PTPRD: variants seen among roughly 807,000 people sequenced by gnomAD.
PTPRD encodes the protein receptor-type tyrosine-protein phosphatase delta.
PTPRD carries 34 observed loss-of-function variants against 214.5 expected under a neutral mutation model. The ratio of observed to expected loss-of-function variants is 0.16; its 90% CI spans 0.12 to 0.21. The LOEUF is 0.21. PTPRD is among the 10% of genes least tolerant of loss of function. The pLI is 1.00. For synonymous variants in PTPRD, 1,128 were observed against 845.7 expected (o/e 1.33, Z -5.79); for missense variants, 2,545 against 2,398.7 (o/e 1.06, Z -1.27).
chr9:8,805,920 G>A (rs1433555423), intron 11 of PTPRD, among the ~76,000 whole-genome samples: 2 of 147,780 alleles, frequency 1.4e-5, no homozygotes, highest in Non-Finnish European at 3.0e-5. Context: ...GCGTGAACCC[G>A]GGAGGTGGAG....
At chr9:8,425,617 A>G (rs1032249233) in intron 35 of PTPRD, among the ~76,000 whole-genome samples, 30 of 152,004 alleles carry the variant, frequency 2.0e-4, no homozygotes, top group Non-Finnish European at 3.7e-4. Context: ...TCTCGTCAAT[A>G]TTGTCCCACT....
intron 9 of PTPRD, among the ~76,000 whole-genome samples, chr9:9,384,274 T>C (rs2063174096): frequency 6.7e-6 from 1 of 148,338 alleles, no homozygotes; most frequent in African/African-American, 2.5e-5. Flanking sequence ...TATTGTAAAA[T>C]TTTGTGTGCA....
At chr9:8,740,144 A>C (rs7046939) in intron 11 of PTPRD, among the ~76,000 whole-genome samples, 1 of 152,124 alleles carries the variant, frequency 6.6e-6, no homozygotes, top group Non-Finnish European at 1.5e-5. Context: ...TCTATGACCA[A>C]ACTACCCTGA....
chr9:9,982,692 T>C (rs1167614242), intron 4 of PTPRD, among the ~76,000 whole-genome samples: 1 of 152,228 alleles, frequency 6.6e-6, no homozygotes, highest in Non-Finnish European at 1.5e-5. Context: ...CTATGATTAG[T>C]TTTTGTTTTG....
intron 31 of PTPRD, among the ~76,000 whole-genome samples, chr9:8,465,919 A>G (rs2096535832): frequency 6.6e-6 from 1 of 151,936 alleles, no homozygotes; most frequent in African/African-American, 2.4e-5. Flanking sequence ...ACACAGGGCA[A>G]TGAGGTCCTT....
intron 12 of PTPRD, among the ~76,000 whole-genome samples, chr9:8,646,421 C>T (rs909913267): frequency 6.6e-6 from 1 of 152,142 alleles, no homozygotes; most frequent in Non-Finnish European, 1.5e-5. Flanking sequence ...TACTGTTTGG[C>T]CTTTAAGATA....
intron 12 of PTPRD, among the ~76,000 whole-genome samples, chr9:8,675,702 C>T (rs1359262383): frequency 6.6e-6 from 1 of 152,084 alleles, no homozygotes; most frequent in Non-Finnish European, 1.5e-5. Context: ...CATCTCACGT[C>T]GCCTTCAACA....
At chr9:10,601,139 T>A (rs2077858090) in intron 2 of PTPRD, among the ~76,000 whole-genome samples, 1 of 151,726 alleles carries the variant, frequency 6.6e-6, no homozygotes, top group Non-Finnish European at 1.5e-5. Context: ...AAAATAATAA[T>A]ATTTTAATCA....
chr9:8,605,486 G>C, intron 14 of PTPRD, among the ~76,000 whole-genome samples: 1 of 152,158 alleles, frequency 6.6e-6, no homozygotes, highest in Non-Finnish European at 1.5e-5. Context: ...TCACAAAAGA[G>C]AAGAGCTTCA....
At chr9:8,650,565 A>T (rs1165967876) in intron 12 of PTPRD, among the ~76,000 whole-genome samples, 1 of 151,906 alleles carries the variant, frequency 6.6e-6, no homozygotes, top group Non-Finnish European at 1.5e-5. Context: ...CGTGATGGAT[A>T]AACAACGGGA....
intron 4 of PTPRD, among the ~76,000 whole-genome samples, chr9:9,945,093 T>TA (rs1353959667): frequency 1.3e-5 from 2 of 152,142 alleles, no homozygotes; most frequent in Non-Finnish European, 2.9e-5. Flanking sequence ...TGATAAAGTA[T>TA]AACTGTATAG....
At chr9:9,586,428 G>T (rs964320843) in intron 7 of PTPRD, among the ~76,000 whole-genome samples, 6 of 151,906 alleles carry the variant, frequency 3.9e-5, no homozygotes, top group Non-Finnish European at 8.8e-5. Context: ...TAATTCTTGA[G>T]TTGAGTTTTA....
At chr9:10,414,548 A>C (rs1031933242) in intron 2 of PTPRD, among the ~76,000 whole-genome samples, 12 of 151,910 alleles carry the variant, frequency 7.9e-5, no homozygotes, top group African/African-American at 2.9e-4. Flanking sequence ...CCAAGAGCTA[A>C]AAACAGAACT....
At chr9:9,136,999 G>C (rs749991366) in intron 10 of PTPRD, among the ~76,000 whole-genome samples, 1 of 152,098 alleles carries the variant, frequency 6.6e-6, no homozygotes, top group Non-Finnish European at 1.5e-5. Context: ...TTTTCTTCTT[G>C]TTTATTATTT....
At chr9:10,009,767 A>G (rs1230101989) in intron 4 of PTPRD, among the ~76,000 whole-genome samples, 1 of 151,950 alleles carries the variant, frequency 6.6e-6, no homozygotes, top group African/African-American at 2.4e-5. Context: ...ATGTCAAAGT[A>G]TATTTTGGGA....
chr9:9,562,083 A>G (rs1166387113), intron 8 of PTPRD, among the ~76,000 whole-genome samples: 2 of 152,302 alleles, frequency 1.3e-5, no homozygotes, highest in East Asian at 3.9e-4. Context: ...AACATGTCCA[A>G]AATTGATCTG....
intron 3 of PTPRD, among the ~76,000 whole-genome samples, chr9:10,176,580 G>C (rs1257670751): frequency 1.3e-5 from 2 of 151,934 alleles, no homozygotes; most frequent in Admixed American, 1.3e-4. Context: ...AAAGTGATTG[G>C]AAAAGGTTAT....
chr9:8,643,870 G>A (rs1298867488), intron 12 of PTPRD, among the ~76,000 whole-genome samples: 1 of 152,206 alleles, frequency 6.6e-6, no homozygotes, highest in Non-Finnish European at 1.5e-5. Flanking sequence ...GAGGCAGACA[G>A]GCTCCTGGGC....
chr9:8,852,143 A>G (rs2097829970), intron 11 of PTPRD, among the ~76,000 whole-genome samples: 1 of 152,206 alleles, frequency 6.6e-6, no homozygotes, highest in African/African-American at 2.4e-5. Flanking sequence ...CAATTTCTCC[A>G]AACCCCAAAG....
Sources: gnomAD v4.1 joint callset for allele counts (sites outside exome capture counted in the v4.1 genomes callset) on GRCh38, gnomAD v4.1.1 for gene constraint, MANE v1.5 for transcripts, NCBI Gene and HGNC (gene_info 2026-07-23, HGNC 2026-07-21) for gene names.